LSM8: variants seen among roughly 807,000 people sequenced by gnomAD.
LSM8 encodes LSM8 U6 small nuclear RNA associated.
In LSM8, 14 loss-of-function variants were observed where a neutral mutation model predicts 15.0. The observed-to-expected ratio is 0.93, with a 90% CI of 0.62 to 1.46. The LOEUF is 1.46. Ranked by LOEUF, LSM8 falls within the 40% of genes most tolerant of loss-of-function variation. The pLI is 0.00. For synonymous variants in LSM8, 50 were observed against 42.1 expected, an observed-to-expected ratio of 1.19 and a Z score of -0.73; for missense variants, 90 against 115.4, an observed-to-expected ratio of 0.78 and a Z score of 1.01.
rs1808838088 is a variant in LSM8, at chr7:118,184,175, G to A, written c.-49G>A. 2.6e-6 allele frequency: 4 copies of A among 1,543,900 alleles called. No individual in the cohort carries two copies. Among genetic ancestry groups the A allele is most frequent in the Non-Finnish European group, 3.5e-6 (4 of 1,143,764 alleles). On this transcript the variant is annotated 5_prime_UTR_variant, in exon 1 of 4. Transcript: ENST00000249299. Reference sequence around the variant, plus strand: ...GGTTCTGGCGCGCCCTTTCAGTTCTGCTTGCTGTCGGCACCGCTGCGTTAC... The same window carrying A: ...GGTTCTGGCGCGCCCTTTCAGTTCTACTTGCTGTCGGCACCGCTGCGTTAC...
chr7:118,202,293 TCTGA>T lies in LSM8; in HGVS notation c.*10295_*10298del, dbSNP rs1327304632. Among the ~76,000 whole-genome samples the T allele has an allele frequency of 6.6e-6, 1 of 151,998 alleles. No individual in the cohort carries two copies. Among genetic ancestry groups the T allele is most frequent in the Non-Finnish European group, 1.5e-5 (1 of 67,912 alleles). The stretch of plus-strand genomic sequence containing the variant: ...GTATTTGGCTATAAGCACTGGAAAC[TCTGA>T]CTGCCAGTGGCTTTAACAGGCAGGA... On this transcript the variant is annotated 3_prime_UTR_variant, in exon 4 of 4. Coordinates refer to ENST00000249299, the MANE Select transcript of LSM8 (RefSeq NM_016200.5).
In LSM8 at chr7:118,198,590, A is replaced by C. The variant is rs1420326933; in HGVS notation, c.*6588A>C. The stretch of plus-strand genomic sequence containing the variant: ...GCAATATGGGAGAGATTGGAGGAGA[A>C]TCTTCATGGAAATGGATGACTTGTG... On this transcript the variant is annotated 3_prime_UTR_variant, in exon 4 of 4. Transcript: ENST00000249299. Among the ~76,000 whole-genome samples the C allele has an allele frequency of 6.6e-6, 1 of 152,182 alleles. No individual in the cohort carries two copies. Among genetic ancestry groups the C allele is most frequent in the African/African-American group, 2.4e-5 (1 of 41,446 alleles).
rs1809186760 is a variant in LSM8 at position 118,202,487 on chromosome 7, T to C, written c.*10485T>C. On this transcript the variant is annotated 3_prime_UTR_variant, in exon 4 of 4. Transcript: ENST00000249299. ...GTCATCTCGTGACTCATATTTTCCA[T>C]CTAATTAGAATAAAGAAAGATGAAA... Among the ~76,000 whole-genome samples the C allele has an allele frequency of 6.6e-6, 1 of 152,010 alleles. No homozygotes were observed. Among genetic ancestry groups the C allele is most frequent in the Non-Finnish European group, 1.5e-5 (1 of 67,952 alleles).
Position 118,185,706 on chromosome 7 carries a change from G to T in LSM8, c.72+12G>T. 6.2e-7 allele frequency: 1 copy of T among 1,605,050 alleles called. No individual in the cohort carries two copies. The highest frequency in any genetic ancestry group is 8.5e-7 in the Non-Finnish European group (1 of 1,172,878). On this transcript the variant is annotated intron_variant, in intron 2 of 3. Coordinates refer to ENST00000249299, the MANE Select transcript of LSM8 (RefSeq NM_016200.5). ...GGAGAATGATTGTGGTAAGTCTTTG[G>T]AATTTTCATTCTCTGCTTTCCTGTA...
rs559194036 is a variant in LSM8 at position 118,195,075 on chromosome 7, C to A, written c.*3073C>A. ...GATGAGAAATATTCAGATGATCTAA[C>A]GCAGTTCCCAAACCTGCATTGTGGG... On this transcript the variant is annotated 3_prime_UTR_variant, in exon 4 of 4. Transcript: ENST00000249299. 1.3e-5 allele frequency among the ~76,000 whole-genome samples: 2 copies of A among 152,140 alleles called. No homozygotes were observed. The highest frequency in any genetic ancestry group is 2.4e-5 in the African/African-American group (1 of 41,430).
chr7:118,192,127 G>T lies in LSM8; in HGVS notation c.*125G>T. 2 of 511,326 alleles carry T rather than the reference G, an allele frequency of 3.9e-6. No homozygotes were observed. The highest frequency in any genetic ancestry group is 3.1e-6 in the Non-Finnish European group (1 of 319,994). The allele number at this position is 511,326 out of a possible 1,614,324, so 31.7% of individuals were successfully genotyped here. ...ACTCCTTATTGATTCATTGTAATAT[G>T]TAAATTAAAATATTTCTACATTTTA... is the stretch of plus-strand genomic sequence containing the variant. On this transcript the variant is annotated 3_prime_UTR_variant, in exon 4 of 4. Transcript: ENST00000249299.
At chr7:118,185,950 T>G (rs190948888) in intron 2 of LSM8, among the ~76,000 whole-genome samples, 1 of 152,356 alleles carries the variant, frequency 6.6e-6, no homozygotes, top group African/African-American at 2.4e-5. Flanking sequence ...AGACCTTTAT[T>G]AAACTTACTT....
In LSM8 at chr7:118,192,166, C is replaced by CT. The variant is rs1161526208; in HGVS notation, c.*173dup. 6.7e-4 allele frequency: 290 copies of CT among 432,390 alleles called. No individual in the cohort carries two copies. The highest frequency in any genetic ancestry group is 2.5e-3 in the South Asian group (27 of 10,888). The allele number at this position is 432,390 out of a possible 1,614,324, so 26.8% of individuals were successfully genotyped here. On this transcript the variant is annotated 3_prime_UTR_variant, in exon 4 of 4. Coordinates refer to ENST00000249299, the MANE Select transcript of LSM8 (RefSeq NM_016200.5). Reference sequence around the variant, plus strand: ...TTCTACATTTTATTGAAAAAAAAACCTTTTTTTTTGCCTAAATATAAGTTT... The same window carrying CT: ...TTCTACATTTTATTGAAAAAAAAACCTTTTTTTTTTGCCTAAATATAAGTTT...
intron 1 of LSM8, chr7:118,184,535 A>C (rs1000459867): frequency 5.7e-6 from 2 of 351,592 alleles, no homozygotes; most frequent in Non-Finnish European, 1.0e-5. Flanking sequence ...CTTGATTCTT[A>C]CTTACTATTT....
Position 118,192,245 on chromosome 7 carries a change from T to G in LSM8, c.*243T>G, listed in dbSNP as rs1027498906. The G allele has an allele frequency of 6.4e-6, 2 of 314,146 alleles. No individual in the cohort carries two copies. The highest frequency in any genetic ancestry group is 4.3e-5 in the African/African-American group (2 of 45,992). 19.5% of individuals were successfully genotyped at this position (314,146 alleles called of 1,614,324 possible). On this transcript the variant is annotated 3_prime_UTR_variant, in exon 4 of 4. Coordinates refer to ENST00000249299, the MANE Select transcript of LSM8 (RefSeq NM_016200.5). Reference sequence around the variant, plus strand: ...TAGTGTGAAAATATAATGGGCATTTTGAAAACTTTTAGAAAAAAGTAGTAC... The same window carrying G: ...TAGTGTGAAAATATAATGGGCATTTGGAAAACTTTTAGAAAAAAGTAGTAC...
Position 118,192,706 on chromosome 7 carries a change from G to A in LSM8, c.*704G>A, listed in dbSNP as rs1809005002. 6.6e-6 allele frequency: 1 copy of A among 151,998 alleles called. No individual in the cohort carries two copies. The highest frequency in any genetic ancestry group is 6.6e-5 in the Admixed American group (1 of 15,260). 9.4% of individuals were successfully genotyped at this position (151,998 alleles called of 1,614,324 possible). A position where few individuals can be genotyped will look rare whatever the true frequency, so the allele number is the denominator to read the frequency against. ...ACATTAATGTTGAATTTTACAGACA[G>A]TATATTTGAAAAAAATTGATTCCAT... On this transcript the variant is annotated 3_prime_UTR_variant, in exon 4 of 4. Transcript: ENST00000249299.
rs1445463433 is a variant in LSM8, at chr7:118,194,150, A to G, written c.*2148A>G. Among the ~76,000 whole-genome samples the G allele has an allele frequency of 6.6e-6, 1 of 152,110 alleles. No individual in the cohort carries two copies. The highest frequency in any genetic ancestry group is 1.5e-5 in the Non-Finnish European group (1 of 67,970). Reference sequence around the variant, plus strand: ...ACAACCATGAGTAGTAACATAATTAATATACAGTGTCAATATTTTATATTT... The same window carrying G: ...ACAACCATGAGTAGTAACATAATTAGTATACAGTGTCAATATTTTATATTT... On this transcript the variant is annotated 3_prime_UTR_variant, in exon 4 of 4. Coordinates refer to ENST00000249299, the MANE Select transcript of LSM8 (RefSeq NM_016200.5).
chr7:118,194,767 T>A lies in LSM8; in HGVS notation c.*2765T>A, dbSNP rs1809049397. ...AGTAGCCAGGGTTGTAAGGCAACTC[T>A]TAACTGACAATATAGTTAGTATATT... On this transcript the variant is annotated 3_prime_UTR_variant, in exon 4 of 4. Transcript: ENST00000249299. Among the ~76,000 whole-genome samples the A allele has an allele frequency of 6.6e-6, 1 of 152,176 alleles. No individual in the cohort carries two copies. Among genetic ancestry groups the A allele is most frequent in the South Asian group, 2.1e-4 (1 of 4,832 alleles).
In LSM8 at chr7:118,203,485, T is replaced by C. The variant is rs555349867; in HGVS notation, c.*11483T>C. On this transcript the variant is annotated 3_prime_UTR_variant, in exon 4 of 4. Coordinates refer to ENST00000249299, the MANE Select transcript of LSM8 (RefSeq NM_016200.5). ...TGTTTAGTAGAGATTAATATCTAAA[T>C]AAGGAAAATGAAGAAAGGGACTAAA... Among the ~76,000 whole-genome samples the C allele has an allele frequency of 2.5e-4, 38 of 151,886 alleles. No homozygotes were observed. Among genetic ancestry groups the C allele is most frequent in the African/African-American group, 7.7e-4 (32 of 41,498 alleles).
At position 118,194,468 on chromosome 7, in the gene LSM8, T is replaced by G. The variant is rs1023065194; in HGVS notation, c.*2466T>G. On this transcript the variant is annotated 3_prime_UTR_variant, in exon 4 of 4. Coordinates refer to ENST00000249299, the MANE Select transcript of LSM8 (RefSeq NM_016200.5). ...AACTTGGCCTCACATGCTGACAGTTTTGGCTAAATATTACAAATCTTGATC... is the reference window on the plus strand; with the variant it reads ...AACTTGGCCTCACATGCTGACAGTTGTGGCTAAATATTACAAATCTTGATC... 1.3e-4 allele frequency among the ~76,000 whole-genome samples: 19 copies of G among 150,826 alleles called. No individual in the cohort carries two copies. The highest frequency in any genetic ancestry group is 4.4e-4 in the African/African-American group (18 of 40,930).
At chr7:118,185,755 G>T in intron 2 of LSM8, 61 bp downstream of exon 2, 1 of 1,463,448 alleles carries the variant, frequency 6.8e-7, no homozygotes, top group Non-Finnish European at 9.6e-7. Flanking sequence ...CAAGTTTTAT[G>T]TGAAACCTCT....
rs1411728333 is a variant in LSM8, at chr7:118,202,693, A to C, written c.*10691A>C. 6.6e-6 allele frequency among the ~76,000 whole-genome samples: 1 copy of C among 151,630 alleles called. No homozygotes were observed. The highest frequency in any genetic ancestry group is 1.9e-4 in the East Asian group (1 of 5,176). On this transcript the variant is annotated 3_prime_UTR_variant, in exon 4 of 4. Coordinates refer to ENST00000249299, the MANE Select transcript of LSM8 (RefSeq NM_016200.5). Reference sequence around the variant, plus strand: ...TTTCCTTTTATAGTGACATTTTGCCACTCCAAATAAAAAAAGGGTTGCTGT... The same window carrying C: ...TTTCCTTTTATAGTGACATTTTGCCCCTCCAAATAAAAAAAGGGTTGCTGT...
chr7:118,194,613 C>T lies in LSM8; in HGVS notation c.*2611C>T, dbSNP rs924038000. On this transcript the variant is annotated 3_prime_UTR_variant, in exon 4 of 4. Coordinates refer to ENST00000249299, the MANE Select transcript of LSM8 (RefSeq NM_016200.5). Reference sequence around the variant, plus strand: ...TGAGATATAAGTATGATAAAAACAACTTTTAAATGGTATTTAATGCAAATA... The same window carrying T: ...TGAGATATAAGTATGATAAAAACAATTTTTAAATGGTATTTAATGCAAATA... 6.6e-6 allele frequency among the ~76,000 whole-genome samples: 1 copy of T among 152,106 alleles called. No homozygotes were observed. Among genetic ancestry groups the T allele is most frequent in the Non-Finnish European group, 1.5e-5 (1 of 68,004 alleles).
In LSM8 at chr7:118,185,680, G is replaced by A. The variant is rs1808878141; in HGVS notation, c.58G>A (p.Gly20Arg). ...AACTGTTGCCGTTATTACATCAGAT[G>A]GGAGAATGATTGTGGTAAGTCTTTG... ...NRTVAVITSDGRMIVGTLKGF... is the reference protein window; with the variant it reads ...NRTVAVITSDRRMIVGTLKGF... The change falls in exon 2 of 4, where the codon GGG (glycine) becomes AGG (arginine). Residue 20 changes from glycine (G) to arginine (R), a missense_variant. Physicochemically the swap from Gly to Arg is moderately radical, Grantham distance 125. Transcript: ENST00000249299. 1 of 1,611,334 alleles carries A rather than the reference G, an allele frequency of 6.2e-7. No homozygotes were observed. The highest frequency in any genetic ancestry group is 8.5e-7 in the Non-Finnish European group (1 of 1,177,872).
Sources: allele counts gnomAD v4.1 joint callset (sites outside exome capture counted in the v4.1 genomes callset), GRCh38; gene constraint gnomAD v4.1.1; transcripts MANE v1.5; gene names NCBI Gene and HGNC (gene_info 2026-07-23, HGNC 2026-07-21).